PPARGC1A: variants seen among roughly 807,000 people sequenced by gnomAD.
PPARGC1A encodes peroxisome proliferator-activated receptor gamma coactivator 1-alpha.
A neutral mutation model predicts 88.7 loss-of-function variants in PPARGC1A; 25 were observed. That is an observed-to-expected ratio of 0.28 (90% CI 0.21 to 0.39). The LOEUF (loss-of-function observed/expected upper bound fraction) is 0.39, where lower values mean the gene tolerates loss of function less well. PPARGC1A is among the 10% of genes least tolerant of loss of function. The probability of loss-of-function intolerance (pLI) is 1.00; values close to 1 mark genes in which losing one functional copy is unlikely to be tolerated. For synonymous variants in PPARGC1A, 363 were observed against 355.6 expected (o/e 1.02, Z -0.24); for missense variants, 880 against 968.7 (o/e 0.91, Z 1.22).
chr4:24,291,655 T>C, the PPARGC1A span, among the ~76,000 whole-genome samples: 1 of 152,180 alleles, frequency 6.6e-6, no homozygotes, highest in Admixed American at 6.5e-5. Context: ...CCATCCGAAG[T>C]CCTGCTGATC....
the PPARGC1A span, among the ~76,000 whole-genome samples, chr4:24,442,362 A>G: frequency 6.6e-6 from 1 of 152,192 alleles, no homozygotes; most frequent in Non-Finnish European, 1.5e-5. Flanking sequence ...AAGGGGAAAA[A>G]AAATCTTCAT....
chr4:23,874,867 C>G (rs1007888063), intron 2 of PPARGC1A, among the ~76,000 whole-genome samples: 1 of 152,174 alleles, frequency 6.6e-6, no homozygotes, highest in African/African-American at 2.4e-5. Flanking sequence ...TACAAGTGTT[C>G]GCTTCCACAA....
intron 2 of PPARGC1A, among the ~76,000 whole-genome samples, chr4:23,856,512 C>G: frequency 6.6e-6 from 1 of 152,144 alleles, no homozygotes; most frequent in Non-Finnish European, 1.5e-5. Flanking sequence ...CATTTCATGA[C>G]AGAGATTAAA....
chr4:23,958,453 C>A, the PPARGC1A span, among the ~76,000 whole-genome samples: 12 of 152,068 alleles, frequency 7.9e-5, no homozygotes, highest in Admixed American at 7.9e-4. Flanking sequence ...TAAACAATTT[C>A]CAAGTTTATA....
chr4:24,181,932 T>G, the PPARGC1A span, among the ~76,000 whole-genome samples: 1 of 152,046 alleles, frequency 6.6e-6, no homozygotes, highest in Non-Finnish European at 1.5e-5. Context: ...GAACGTATCC[T>G]TCTGAGGAAA....
intron 1 of PPARGC1A, 112 bp from the exon 2 acceptor site, chr4:23,885,043 C>T (rs1716625587): frequency 1.1e-6 from 1 of 917,632 alleles, no homozygotes; most frequent in South Asian, 2.6e-5. Flanking sequence ...ACTACACTAC[C>T]AAAGCTAGTT....
the PPARGC1A span, among the ~76,000 whole-genome samples, chr4:24,461,949 TC>T: frequency 6.9e-6 from 1 of 144,110 alleles, no homozygotes; most frequent in Non-Finnish European, 1.5e-5. Flanking sequence ...CGCTATCTCC[TC>T]CCTAAAGCAC....
chr4:23,796,748 A>AG (rs1241612407), intron 12 of PPARGC1A, among the ~76,000 whole-genome samples: 5 of 152,138 alleles, frequency 3.3e-5, no homozygotes, highest in East Asian at 3.9e-4. Flanking sequence ...CAAGTAACAA[A>AG]GGGGGGCTTG....
At chr4:24,387,912 A>AAG in the PPARGC1A span, among the ~76,000 whole-genome samples, 3 of 11,868 alleles carry the variant, frequency 2.5e-4, no homozygotes, top group Non-Finnish European at 2.0e-3. Flanking sequence ...AAGAGAAAGA[A>AAG]AGAAAGAAAG....
the PPARGC1A span, among the ~76,000 whole-genome samples, chr4:24,438,102 G>A: frequency 3.3e-5 from 5 of 152,170 alleles, no homozygotes; most frequent in Non-Finnish European, 4.4e-5. Flanking sequence ...TTGGACCAGG[G>A]GTCGCCAGGG....
the PPARGC1A span, among the ~76,000 whole-genome samples, chr4:23,933,174 C>T: frequency 3.3e-5 from 5 of 152,030 alleles, no homozygotes; most frequent in South Asian, 4.2e-4. Context: ...AGAAGCCAGG[C>T]GGAGTGCTGG....
chr4:24,187,051 G>T, the PPARGC1A span, among the ~76,000 whole-genome samples: 117 of 152,264 alleles, frequency 7.7e-4, no homozygotes, highest in Non-Finnish European at 1.4e-3. Flanking sequence ...CTTCTTTAGG[G>T]ACTTCTAGCT....
chr4:24,071,784 C>T, the PPARGC1A span, among the ~76,000 whole-genome samples: 1 of 152,138 alleles, frequency 6.6e-6, no homozygotes, highest in Non-Finnish European at 1.5e-5. Context: ...ACTAACTGTT[C>T]AGCCTTGGAC....
the PPARGC1A span, among the ~76,000 whole-genome samples, chr4:24,249,266 CCTA>C: frequency 6.6e-6 from 1 of 151,928 alleles, no homozygotes; most frequent in Non-Finnish European, 1.5e-5. Context: ...AAGTTGCACT[CCTA>C]CTTTTTTTTT....
At chr4:23,808,250 C>CAAAAA (rs527466137) in intron 10 of PPARGC1A, among the ~76,000 whole-genome samples, 2 of 93,854 alleles carry the variant, frequency 2.1e-5, no homozygotes, top group African/African-American at 8.1e-5. Flanking sequence ...GACTCCATCT[C>CAAAAA]AAAAAAAAAA....
the PPARGC1A span, among the ~76,000 whole-genome samples, chr4:24,315,752 C>A: frequency 6.6e-6 from 1 of 152,162 alleles, no homozygotes; most frequent in Admixed American, 6.5e-5. Context: ...GCACAGGACA[C>A]CCTCCCACAA....
chr4:24,319,976 A>ATTATAG, the PPARGC1A span, among the ~76,000 whole-genome samples: 2 of 152,224 alleles, frequency 1.3e-5, no homozygotes, highest in African/African-American at 4.8e-5. Context: ...CATACTAGAC[A>ATTATAG]CAGGTGTGCC....
chr4:24,110,565 T>C, the PPARGC1A span, among the ~76,000 whole-genome samples: 2 of 152,310 alleles, frequency 1.3e-5, no homozygotes, highest in South Asian at 2.1e-4. Flanking sequence ...CAAATAGGCA[T>C]CTGGGGACAC....
the PPARGC1A span, among the ~76,000 whole-genome samples, chr4:24,118,485 T>A: frequency 6.6e-6 from 1 of 152,060 alleles, no homozygotes; most frequent in Admixed American, 6.6e-5. Context: ...AGCAATAGAA[T>A]GTCATTTTTG....
Sources: gnomAD v4.1 joint callset for allele counts (sites outside exome capture counted in the v4.1 genomes callset) on GRCh38, gnomAD v4.1.1 for gene constraint, MANE v1.5 for transcripts, NCBI Gene and HGNC (gene_info 2026-07-23, HGNC 2026-07-21) for gene names.